The following KCNIP1 variants were observed in gnomAD, a reference collection of about 807,000 sequenced individuals.
The protein encoded by KCNIP1 is A-type potassium channel modulatory protein KCNIP1.
In KCNIP1, 18 loss-of-function variants were observed where a neutral mutation model predicts 33.0. The ratio of observed to expected loss-of-function variants is 0.55; its 90% CI spans 0.38 to 0.81. KCNIP1 has a LOEUF of 0.81. KCNIP1 is among the 30% of genes least tolerant of loss of function. The probability of loss-of-function intolerance (pLI) is 0.00; values close to 1 mark genes in which losing one functional copy is unlikely to be tolerated. For missense variants in KCNIP1, 238 were observed against 271.6 expected, an observed-to-expected ratio of 0.88 and a Z score of 0.87; for synonymous variants, 93 against 98.3, an observed-to-expected ratio of 0.95 and a Z score of 0.32.
intron 1 of KCNIP1, among the ~76,000 whole-genome samples, chr5:170,647,049 T>C (rs2113712282): frequency 6.6e-6 from 1 of 152,182 alleles, no homozygotes; most frequent in South Asian, 2.1e-4. Context: ...ATAAATCAAA[T>C]AACATATGTA....
chr5:170,698,760 T>A (rs2113831528), intron 1 of KCNIP1, among the ~76,000 whole-genome samples: 1 of 152,330 alleles, frequency 6.6e-6, no homozygotes, highest in South Asian at 2.1e-4. Flanking sequence ...TTAGTCATTG[T>A]TTAATCTTTA....
intron 1 of KCNIP1, among the ~76,000 whole-genome samples, chr5:170,410,024 G>A (rs1033821698): frequency 1.3e-5 from 2 of 152,232 alleles, no homozygotes; most frequent in African/African-American, 2.4e-5. Flanking sequence ...TGAATCCATA[G>A]TGTTTTCCAG....
chr5:170,630,168 G>GGCA (rs1430426295), intron 1 of KCNIP1, among the ~76,000 whole-genome samples: 3 of 152,224 alleles, frequency 2.0e-5, no homozygotes, highest in Non-Finnish European at 4.4e-5. Context: ...AGAAGATCTA[G>GGCA]GCACAGTCTT....
intron 1 of KCNIP1, among the ~76,000 whole-genome samples, chr5:170,446,276 G>A (rs1262650660): frequency 6.6e-6 from 1 of 152,202 alleles, no homozygotes; most frequent in East Asian, 1.9e-4. Context: ...CTATTGAGTA[G>A]TGCAGTGAGA....
intron 1 of KCNIP1, among the ~76,000 whole-genome samples, chr5:170,449,215 C>T (rs1756189021): frequency 6.6e-6 from 1 of 152,212 alleles, no homozygotes; most frequent in Non-Finnish European, 1.5e-5. Context: ...ACTTCTAGGG[C>T]AAAACCAGCA....
intron 1 of KCNIP1, among the ~76,000 whole-genome samples, chr5:170,392,440 T>C (rs531628117): frequency 5.3e-5 from 8 of 152,356 alleles, no homozygotes; most frequent in South Asian, 2.1e-4. Flanking sequence ...GGGGGACTGT[T>C]ACAGTTGCTG....
chr5:170,451,445 C>T (rs1228316509), intron 1 of KCNIP1, among the ~76,000 whole-genome samples: 1 of 152,096 alleles, frequency 6.6e-6, no homozygotes. Flanking sequence ...ACAAAGACCC[C>T]TCACTGTTCC....
rs994770090 is a variant in KCNIP1 at position 170,722,011 on chromosome 5, A to C, written c.327+108A>C. ...TCTGGACCATCAAAAGCTCTCAGTC[A>C]GACCAAAGACATGTTTATCCATTTG... On this transcript the variant is annotated intron_variant, in intron 4 of 7. Transcript: ENST00000328939. The C allele has an allele frequency of 1.1e-5, 14 of 1,262,580 alleles. No homozygotes were observed. In the African/African-American group the frequency reaches 1.8e-4, roughly 16 times the overall value. 78.2% of individuals were successfully genotyped at this position (1,262,580 alleles called of 1,614,324 possible).
At chr5:170,365,990 C>T (rs1286448573) in intron 1 of KCNIP1, among the ~76,000 whole-genome samples, 4 of 152,238 alleles carry the variant, frequency 2.6e-5, no homozygotes, top group Non-Finnish European at 5.9e-5. Flanking sequence ...AAACCAGGGA[C>T]CTCCCATGTC....
rs993375281 is a variant in KCNIP1 at position 170,669,735 on chromosome 5, T to G, written c.62-49023T>G. ...TTTTATTTTAGGTCATAATTAACAC[T>G]AATGAGATGAGTGGATTACAAAGAG... On this transcript the variant is annotated intron_variant, in intron 1 of 7. Transcript: ENST00000328939. 19 of 653,416 alleles carry G rather than the reference T, an allele frequency of 2.9e-5. No homozygotes were observed. The African/African-American group carries it at 3.7e-4, about 13-fold the overall frequency. 40.5% of individuals were successfully genotyped at this position (653,416 alleles called of 1,614,324 possible).
At chr5:170,497,188 T>C (rs1757326329) in intron 1 of KCNIP1, among the ~76,000 whole-genome samples, 1 of 151,812 alleles carries the variant, frequency 6.6e-6, no homozygotes, top group Non-Finnish European at 1.5e-5. Flanking sequence ...AATGAATGAG[T>C]GAATGAATGA....
At chr5:170,575,752 C>G (rs1757578676) in intron 1 of KCNIP1, among the ~76,000 whole-genome samples, 1 of 152,174 alleles carries the variant, frequency 6.6e-6, no homozygotes. Context: ...CTCAACGGGC[C>G]TTTAGAAGCA....
At chr5:170,607,128 C>A (rs1472858633) in intron 1 of KCNIP1, among the ~76,000 whole-genome samples, 3 of 152,188 alleles carry the variant, frequency 2.0e-5, no homozygotes, top group Admixed American at 2.0e-4. Flanking sequence ...CTCCGTCTGT[C>A]GCGCTTCTGT....
intron 1 of KCNIP1, among the ~76,000 whole-genome samples, chr5:170,532,921 A>T (rs1755833763): frequency 6.6e-6 from 1 of 152,132 alleles, no homozygotes; most frequent in Non-Finnish European, 1.5e-5. Context: ...AGGAGGGAAT[A>T]ATGAGGTGGA....
chr5:170,419,352 A>C (rs1755417294), intron 1 of KCNIP1, among the ~76,000 whole-genome samples: 1 of 152,220 alleles, frequency 6.6e-6, no homozygotes, highest in Non-Finnish European at 1.5e-5. Context: ...AGGGAAGTCA[A>C]GTAAACACCA....
chr5:170,392,207 A>C (rs974656906), intron 1 of KCNIP1, among the ~76,000 whole-genome samples: 1 of 152,114 alleles, frequency 6.6e-6, no homozygotes, highest in East Asian at 1.9e-4. Context: ...CGGGCATGGG[A>C]GAGAACAAGC....
intron 1 of KCNIP1, among the ~76,000 whole-genome samples, chr5:170,388,570 G>A: frequency 6.6e-6 from 1 of 152,212 alleles, no homozygotes; most frequent in East Asian, 1.9e-4. Context: ...GATGGAGAAG[G>A]ACAAAGGAAG....
chr5:170,560,405 C>G (rs1756995031), intron 1 of KCNIP1, among the ~76,000 whole-genome samples: 1 of 152,102 alleles, frequency 6.6e-6, no homozygotes, highest in South Asian at 2.1e-4. Context: ...TGGCAAAGCC[C>G]CAGAAAATAT....
At chr5:170,488,656 T>C (rs925363192) in intron 1 of KCNIP1, among the ~76,000 whole-genome samples, 1 of 151,842 alleles carries the variant, frequency 6.6e-6, no homozygotes, top group African/African-American at 2.4e-5. Flanking sequence ...CACATGTTGG[T>C]CTCAGAAGGT....
Sources: gnomAD v4.1 joint callset for allele counts (sites outside exome capture counted in the v4.1 genomes callset) on GRCh38, gnomAD v4.1.1 for gene constraint, MANE v1.5 for transcripts, NCBI Gene and HGNC (gene_info 2026-07-23, HGNC 2026-07-21) for gene names.